PLEKHA7: variants seen among roughly 807,000 people sequenced by gnomAD.
PLEKHA7 encodes pleckstrin homology domain-containing family A member 7.
In PLEKHA7, 104 loss-of-function variants were observed where a neutral mutation model predicts 170.0. The ratio of observed to expected loss-of-function variants is 0.61; its 90% CI spans 0.52 to 0.72. The LOEUF (loss-of-function observed/expected upper bound fraction) is 0.72, where lower values mean the gene tolerates loss of function less well. Ranked by LOEUF, PLEKHA7 falls within the 30% of genes least tolerant of loss-of-function variation. The pLI is 0.00. For synonymous variants in PLEKHA7, 648 were observed against 660.8 expected (o/e 0.98, Z 0.30); for missense variants, 1,615 against 1,671.7 (o/e 0.97, Z 0.59).
At chr11:16,979,221 G>A (rs1428279241) in intron 3 of PLEKHA7, among the ~76,000 whole-genome samples, 1 of 152,150 alleles carries the variant, frequency 6.6e-6, no homozygotes, top group African/African-American at 2.4e-5. Context: ...GTAGAGACGG[G>A]ATTTCACCAT....
intron 17 of PLEKHA7, among the ~76,000 whole-genome samples, chr11:16,800,128 A>C (rs1319841879): frequency 1.3e-5 from 2 of 152,256 alleles, no homozygotes; most frequent in Non-Finnish European, 2.9e-5. Context: ...AAGAAGCCTC[A>C]ATTAATGCTT....
chr11:16,817,638 G>T lies in PLEKHA7; in HGVS notation c.1344-316C>A. On this transcript the variant is annotated intron_variant, in intron 10 of 26. Transcript: ENST00000531066. The surrounding 1 kb of genome is among the most constrained non-coding windows in gnomAD (Gnocchi z 4.4). The stretch of plus-strand genomic sequence containing the variant: ...AGCAGTCAGCTCTTTCAATGGCTAT[G>T]CATATTTATAGGAAAGGCCTCACAA... Among the ~76,000 whole-genome samples the T allele has an allele frequency of 6.6e-6, 1 of 152,190 alleles. No individual in the cohort carries two copies. The highest frequency in any genetic ancestry group is 1.9e-4 in the East Asian group (1 of 5,202).
At chr11:16,987,302 G>GC (rs1863795657) in intron 3 of PLEKHA7, among the ~76,000 whole-genome samples, 1 of 128,914 alleles carries the variant, frequency 7.8e-6, no homozygotes, top group African/African-American at 3.1e-5. Flanking sequence ...GCCTGGCTCC[G>GC]CCCCCCAGAA....
At chr11:16,928,884 C>G (rs529029259) in intron 3 of PLEKHA7, among the ~76,000 whole-genome samples, 2 of 152,064 alleles carry the variant, frequency 1.3e-5, no homozygotes, top group South Asian at 4.2e-4. Flanking sequence ...AGAACCTAAT[C>G]ATTGTTTGAA....
intron 3 of PLEKHA7, among the ~76,000 whole-genome samples, chr11:16,900,957 T>C (rs1382130027): frequency 6.6e-6 from 1 of 152,018 alleles, no homozygotes; most frequent in East Asian, 1.9e-4. Context: ...ATGATTCTCC[T>C]GCTCAGCCTC....
rs893746992 is a variant in PLEKHA7 at position 17,013,358 on chromosome 11, C to A, written c.221+631G>T. On this transcript the variant is annotated intron_variant, in intron 3 of 26. Transcript: ENST00000531066. ...GTGGACTAACGGAAGCACCAGCAAT[C>A]CCCCGGTTCAGCTCCGGCCGAAGAG... The A allele has an allele frequency of 2.0e-5, 3 of 152,366 alleles. No homozygotes were observed. In the East Asian group the frequency reaches 5.8e-4, roughly 29 times the overall value. 9.4% of individuals were successfully genotyped at this position (152,366 alleles called of 1,614,324 possible). A position where few individuals can be genotyped will look rare whatever the true frequency, so the allele number is the denominator to read the frequency against.
intron 9 of PLEKHA7, among the ~76,000 whole-genome samples, chr11:16,829,242 T>TG (rs1361720616): frequency 6.6e-6 from 1 of 151,842 alleles, no homozygotes; most frequent in Non-Finnish European, 1.5e-5. Context: ...CTCAAACTCC[T>TG]GGGTTCAAGT....
intron 9 of PLEKHA7, 150 bp downstream of exon 9, chr11:16,841,397 A>T: frequency 1.2e-6 from 1 of 812,272 alleles, no homozygotes; most frequent in Non-Finnish European, 1.8e-6. Flanking sequence ...TCCAGGCCTT[A>T]GTGTTTTTGT....
At chr11:16,921,126 T>G (rs1347785044) in intron 3 of PLEKHA7, among the ~76,000 whole-genome samples, 1 of 152,244 alleles carries the variant, frequency 6.6e-6, no homozygotes, top group African/African-American at 2.4e-5. Flanking sequence ...TTTACATTTT[T>G]TTTCTAACAC....
At chr11:16,957,197 T>C (rs1861751022) in intron 3 of PLEKHA7, among the ~76,000 whole-genome samples, 1 of 152,238 alleles carries the variant, frequency 6.6e-6, no homozygotes, top group Non-Finnish European at 1.5e-5. Flanking sequence ...TACATGTTCT[T>C]GTTAATCTGA....
intron 17 of PLEKHA7, 183 bp from the exon 18 acceptor site, chr11:16,795,201 C>T: frequency 1.7e-6 from 1 of 571,934 alleles, no homozygotes; most frequent in South Asian, 2.1e-5. Flanking sequence ...AAGGAAAATG[C>T]CCACGATCCA....
At chr11:16,878,520 G>A (rs991585234) in intron 3 of PLEKHA7, among the ~76,000 whole-genome samples, 3 of 152,138 alleles carry the variant, frequency 2.0e-5, no homozygotes, top group Admixed American at 6.5e-5. Context: ...AGCCACACTG[G>A]CCTTTTTGTT....
chr11:17,014,110 C>G lies in PLEKHA7; in HGVS notation c.163+15G>C, dbSNP rs759359654. On this transcript the variant is annotated intron_variant, in intron 2 of 26. Coordinates refer to ENST00000531066, the MANE Select transcript of PLEKHA7 (RefSeq NM_001329630.2). Reference sequence around the variant, plus strand: ...GCCGCTGCGCGCGCCCCCCACCCGCCGGCCCGGCGCCCACCTGAGCGGATC... The same window carrying G: ...GCCGCTGCGCGCGCCCCCCACCCGCGGGCCCGGCGCCCACCTGAGCGGATC... 1 of 1,595,276 alleles carries G rather than the reference C, an allele frequency of 6.3e-7. No homozygotes were observed. The highest frequency in any genetic ancestry group is 1.7e-5 in the Admixed American group (1 of 57,902).
intron 19 of PLEKHA7, among the ~76,000 whole-genome samples, chr11:16,793,019 C>A (rs1004698004): frequency 1.3e-5 from 2 of 152,222 alleles, no homozygotes; most frequent in African/African-American, 4.8e-5. Context: ...GAGAGGACCT[C>A]TCCTGGTGAT....
intron 3 of PLEKHA7, among the ~76,000 whole-genome samples, chr11:16,888,829 C>T (rs1301808056): frequency 3.4e-5 from 5 of 147,554 alleles, no homozygotes. Flanking sequence ...GAGAAACACC[C>T]AAGAATGATC....
At chr11:16,879,064 C>T (rs1041424629) in intron 3 of PLEKHA7, among the ~76,000 whole-genome samples, 7 of 152,114 alleles carry the variant, frequency 4.6e-5, no homozygotes, top group East Asian at 1.9e-4. Context: ...GAAATTACTG[C>T]GTGATTAAAA....
rs555169950 is a variant in PLEKHA7, at chr11:16,862,632, G to A, written c.306-6718C>T. The stretch of plus-strand genomic sequence containing the variant: ...TTTGCCCAGCACAGACAGAGCCAAA[G>A]ACAGAGCCAAAGACATGGTTGCTGT... On this transcript the variant is annotated intron_variant, in intron 4 of 26. Coordinates refer to ENST00000531066, the MANE Select transcript of PLEKHA7 (RefSeq NM_001329630.2). 1.2e-4 allele frequency among the ~76,000 whole-genome samples: 19 copies of A among 152,318 alleles called. No individual in the cohort carries two copies. In the South Asian group the frequency reaches 3.9e-3, roughly 32 times the overall value.
intron 3 of PLEKHA7, chr11:17,013,382 A>AG: frequency 6.6e-6 from 1 of 152,492 alleles, no homozygotes; most frequent in East Asian, 1.9e-4. Context: ...CCGGCCGAAG[A>AG]GACGCGGAGC....
intron 7 of PLEKHA7, among the ~76,000 whole-genome samples, 162 bp downstream of exon 7, chr11:16,852,121 T>G (rs1853020618): frequency 1.3e-5 from 2 of 152,214 alleles, no homozygotes; most frequent in Non-Finnish European, 1.5e-5. Context: ...CGGAAATGAC[T>G]CTGAATCCTG....
Sources: allele counts gnomAD v4.1 joint callset (sites outside exome capture counted in the v4.1 genomes callset), GRCh38; gene constraint gnomAD v4.1.1; non-coding constraint Gnocchi (gnomAD v3.1); transcripts MANE v1.5; gene names NCBI Gene and HGNC (gene_info 2026-07-23, HGNC 2026-07-21).